The following MPV17 variants were observed in gnomAD, a reference collection of about 807,000 sequenced individuals.
The protein encoded by MPV17 is mitochondrial inner membrane protein MPV17.
Under a neutral mutation model 28.6 loss-of-function variants are expected in MPV17, and 31 were observed. That is an observed-to-expected ratio of 1.08 (90% confidence interval 0.81 to 1.46). MPV17 has a LOEUF of 1.46. MPV17 is among the 40% of genes most tolerant of loss of function. MPV17 has a pLI of 0.00. For synonymous variants in MPV17, 87 were observed against 85.3 expected (o/e 1.02, Z -0.11); for missense variants, 198 against 216.2 (o/e 0.92, Z 0.53).
At chr2:27,322,373 TG>T in intron 2 of MPV17, 74 bp downstream of exon 2, 1 of 1,174,430 alleles carries the variant, frequency 8.5e-7, no homozygotes, top group Non-Finnish European at 1.3e-6. Flanking sequence ...GAAGTGAGGG[TG>T]GTGCAGTGGG....
chr2:27,321,600 G>A (rs1183045873), intron 2 of MPV17, among the ~76,000 whole-genome samples: 1 of 152,124 alleles, frequency 6.6e-6, no homozygotes, highest in African/African-American at 2.4e-5. Flanking sequence ...AAGGCCTTCT[G>A]ACATTCCCCC....
At position 27,312,520 on chromosome 2, in the gene MPV17, G is replaced by C; in HGVS notation, c.349C>G (p.Gln117Glu). ...LVGALNGLSA[Q>E]DNWAKLQRDY... is the part of the protein sequence containing the mutation. ...CGCTGTAGTTTGGCCCAGTTGTCCT[G>C]GGCTGACAGTCCATTAAGTGCCCCT... Residue 117 changes from glutamine (Q) to glutamate (E), a missense_variant, in exon 5 of 8, where the codon CAG (glutamine) becomes GAG (glutamate). Physicochemically the swap from Gln to Glu is conservative, Grantham distance 29. Transcript: ENST00000380044. 1 of 1,614,136 alleles carries C rather than the reference G, an allele frequency of 6.2e-7. No homozygotes were observed. Among genetic ancestry groups the C allele is most frequent in the East Asian group, 2.2e-5 (1 of 44,886 alleles).
intron 7 of MPV17, chr2:27,311,678 C>T (rs770621757): frequency 1.3e-6 from 2 of 1,550,764 alleles, no homozygotes; most frequent in African/African-American, 1.4e-5. Flanking sequence ...AGGATCCTCC[C>T]TAGGGAGATG....
chr2:27,313,071 G>A lies in MPV17; in HGVS notation c.109C>T (p.Leu37=). The change falls in exon 3 of 8, where the codon CTG becomes TTG. Residue 37 remains leucine, a synonymous_variant. Coordinates refer to ENST00000380044, the MANE Select transcript of MPV17 (RefSeq NM_002437.5). ...MGLGDIISQQ[L]VERRGLQEHQ... is the part of the protein sequence containing the mutation. ...TCCTGCAGACCCCGCCTCTCCACCA[G>A]CTGCTGTGAGATAATGTCACCCAGG... 1 of 1,614,216 alleles carries A rather than the reference G, an allele frequency of 6.2e-7. No individual in the cohort carries two copies. Among genetic ancestry groups the A allele is most frequent in the South Asian group, 1.1e-5 (1 of 91,086 alleles).
Position 27,309,730 on chromosome 2 carries a change from G to T in MPV17, c.*182C>A. 1 of 676,898 alleles carries T rather than the reference G, an allele frequency of 1.5e-6. No homozygotes were observed. 41.9% of individuals were successfully genotyped at this position (676,898 alleles called of 1,614,324 possible). A position where few individuals can be genotyped will look rare whatever the true frequency, so the allele number is the denominator to read the frequency against. On this transcript the variant is annotated 3_prime_UTR_variant, in exon 8 of 8. Transcript: ENST00000380044. The stretch of plus-strand genomic sequence containing the variant: ...GGTGGGAATAAGACTATTATCAAGG[G>T]CTCTAAAGCAGTCAGTGTACATTTT...
intron 2 of MPV17, among the ~76,000 whole-genome samples, chr2:27,315,113 A>T (rs1679602382): frequency 6.6e-6 from 1 of 152,234 alleles, no homozygotes; most frequent in Admixed American, 6.5e-5. Context: ...AGAATCCTAG[A>T]TACCTTTGTT....
intron 2 of MPV17, among the ~76,000 whole-genome samples, chr2:27,318,611 G>T (rs1679744236): frequency 6.6e-6 from 1 of 151,922 alleles, no homozygotes; most frequent in Admixed American, 6.6e-5. Context: ...GCCTGCCTCG[G>T]CCTCCCAAAG....
At chr2:27,322,614 C>G in intron 1 of MPV17, 92 bp from the exon 2 acceptor site, 1 of 1,001,810 alleles carries the variant, frequency 1.0e-6, no homozygotes, top group East Asian at 2.4e-5. Context: ...CTCCCTTCCC[C>G]TTCCCACTTC....
At chr2:27,311,410 C>A in intron 7 of MPV17, 1 of 640,790 alleles carries the variant, frequency 1.6e-6, no homozygotes, top group Non-Finnish European at 2.7e-6. Context: ...TGGCCCTGTT[C>A]CCTCTGAAGC....
chr2:27,314,352 G>A (rs562510133), intron 2 of MPV17, among the ~76,000 whole-genome samples: 11 of 152,198 alleles, frequency 7.2e-5, no homozygotes, highest in African/African-American at 2.4e-4. Flanking sequence ...TAAAACAAGA[G>A]TGCTCAAATG....
Position 27,311,906 on chromosome 2 carries a change from GA to G in MPV17, c.453del (p.His152IlefsTer66). On this transcript the variant is annotated frameshift_variant, in exon 7 of 8. Coordinates refer to ENST00000380044, the MANE Select transcript of MPV17 (RefSeq NM_002437.5). LOFTEE classifies it high-confidence loss of function. Reference sequence around the variant, plus strand: ...GGTAGGGGTGCAACATACCTGTAATGAAGGGGGACCAGGTAGAAGTTGGCTA... The same window carrying G: ...GGTAGGGGTGCAACATACCTGTAATGAGGGGGACCAGGTAGAAGTTGGCTA... ...VQLANFYLVP[L>X]HYRLAVVQCV... 6.2e-7 allele frequency: 1 copy of G among 1,613,782 alleles called. No individual in the cohort carries two copies. Among genetic ancestry groups the G allele is most frequent in the Non-Finnish European group, 8.5e-7 (1 of 1,179,974 alleles).
intron 2 of MPV17, chr2:27,313,453 C>G (rs1679536998): frequency 1.8e-6 from 1 of 562,512 alleles, no homozygotes; most frequent in African/African-American, 1.9e-5. Context: ...TCAAAAGGGG[C>G]TTTAAGATAA....
chr2:27,315,777 G>GA (rs1679627212), intron 2 of MPV17: 1 of 483,700 alleles, frequency 2.1e-6, no homozygotes, highest in African/African-American at 2.0e-5. Flanking sequence ...AGCCAGGCTG[G>GA]TCTCAAACTC....
intron 2 of MPV17, among the ~76,000 whole-genome samples, chr2:27,314,981 C>T (rs1376540082): frequency 2.0e-5 from 3 of 152,358 alleles, no homozygotes; most frequent in South Asian, 2.1e-4. Flanking sequence ...TGGCTCACCT[C>T]GGCTACTGGC....
intron 2 of MPV17, 127 bp from the exon 3 acceptor site, chr2:27,313,236 A>C: frequency 6.4e-7 from 1 of 1,553,838 alleles, no homozygotes; most frequent in East Asian, 2.4e-5. Flanking sequence ...CATTGTGGAA[A>C]CAAATGACTA....
At chr2:27,312,018 T>C in intron 6 of MPV17, 67 bp from the exon 7 acceptor site, 1 of 1,579,900 alleles carries the variant, frequency 6.3e-7, no homozygotes, top group South Asian at 1.1e-5. Flanking sequence ...CTGTCTTGCC[T>C]GGCCCTACCC....
intron 2 of MPV17, chr2:27,316,725 T>C (rs1679668718): frequency 3.4e-5 from 8 of 234,864 alleles, no homozygotes; most frequent in South Asian, 2.7e-4. Context: ...CCCCCTCCCC[T>C]TGGACTTGTT....
chr2:27,310,105 C>G (rs1679374036), intron 7 of MPV17, 124 bp from the exon 8 acceptor site: 2 of 771,714 alleles, frequency 2.6e-6, no homozygotes, highest in Non-Finnish European at 4.6e-6. Flanking sequence ...AGGTCTCTTT[C>G]CTTCAGCACC....
At chr2:27,313,265 A>G in intron 2 of MPV17, 156 bp from the exon 3 acceptor site, 1 of 1,509,058 alleles carries the variant, frequency 6.6e-7, no homozygotes, top group Non-Finnish European at 9.0e-7. Flanking sequence ...CTGCTGCCTC[A>G]AAGCCCTCAC....
Sources: allele counts gnomAD v4.1 joint callset (sites outside exome capture counted in the v4.1 genomes callset), GRCh38; gene constraint gnomAD v4.1.1; transcripts MANE v1.5; gene names NCBI Gene and HGNC (gene_info 2026-07-23, HGNC 2026-07-21).